The following USP50 variants were observed in gnomAD, a reference collection of about 807,000 sequenced individuals.
USP50 encodes the protein ubiquitin specific peptidase 50, also known as ubiquitin carboxyl-terminal hydrolase 50.
In USP50, 37 loss-of-function variants were observed where a neutral mutation model predicts 39.2. The observed-to-expected ratio is 0.94, with a 90% CI of 0.73 to 1.24. The LOEUF (loss-of-function observed/expected upper bound fraction) is 1.24. Ranked by LOEUF, USP50 falls within the 50% of genes most tolerant of loss-of-function variation. The pLI is 0.00. For synonymous variants in USP50, 139 were observed against 144.5 expected (o/e 0.96, Z 0.27); for missense variants, 374 against 398.2 (o/e 0.94, Z 0.52).
At chr15:50,546,204 T>C (rs145647606) in intron 1 of USP50, among the ~76,000 whole-genome samples, 151 of 152,302 alleles carry the variant, frequency 9.9e-4, no homozygotes, top group African/African-American at 3.4e-3. Flanking sequence ...AGTACAGTTA[T>C]GCCAGTTTGA....
intron 6 of USP50, among the ~76,000 whole-genome samples, chr15:50,525,693 A>G (rs2052890284): frequency 2.1e-5 from 2 of 94,008 alleles, no homozygotes; most frequent in Middle Eastern, 6.2e-3. Context: ...TTATATATGT[A>G]TATGTATATA....
At chr15:50,528,280 C>CTTT (rs5812519) in intron 6 of USP50, among the ~76,000 whole-genome samples, 40 of 146,744 alleles carry the variant, frequency 2.7e-4, no homozygotes, top group South Asian at 2.4e-3. Flanking sequence ...CACATAATTA[C>CTTT]TTTTTTTTTT....
intron 5 of USP50, chr15:50,531,965 C>G: frequency 2.8e-6 from 1 of 360,118 alleles, no homozygotes; most frequent in Non-Finnish European, 5.5e-6. Context: ...CCACTGCCCC[C>G]AAAACTGGAA....
chr15:50,508,734 A>G (rs1164277077), intron 6 of USP50: 1 of 152,188 alleles, frequency 6.6e-6, no homozygotes, highest in Non-Finnish European at 1.5e-5. Flanking sequence ...ACAGTGGTTC[A>G]TGCCTATAAT....
intron 5 of USP50, among the ~76,000 whole-genome samples, chr15:50,533,613 T>C (rs1323599752): frequency 6.6e-6 from 1 of 152,190 alleles, no homozygotes; most frequent in Non-Finnish European, 1.5e-5. Context: ...AATTCTGTAG[T>C]GTAAATTAAC....
downstream of USP50, among the ~76,000 whole-genome samples, chr15:50,496,547 C>G (rs2052418780): frequency 6.7e-6 from 1 of 149,982 alleles, no homozygotes; most frequent in African/African-American, 2.5e-5. Flanking sequence ...ATAATTAGGC[C>G]TATGTAGATT....
chr15:50,545,844 A>T (rs2053066948), intron 1 of USP50, among the ~76,000 whole-genome samples: 1 of 151,846 alleles, frequency 6.6e-6, no homozygotes. Context: ...GAATAATATC[A>T]TCTGCCTGAT....
chr15:50,545,640 A>C (rs2053065353), intron 1 of USP50, among the ~76,000 whole-genome samples: 1 of 149,146 alleles, frequency 6.7e-6, no homozygotes, highest in Non-Finnish European at 1.5e-5. Context: ...GAATATATAT[A>C]TCTTAAGAGC....
chr15:50,498,408 T>C (rs1433475185), downstream of USP50: 1 of 673,336 alleles, frequency 1.5e-6, no homozygotes, highest in Non-Finnish European at 2.3e-6. Flanking sequence ...TCCATATGCC[T>C]CAGTTTTCTT....
chr15:50,516,225 G>A (rs1234389799), intron 6 of USP50, among the ~76,000 whole-genome samples: 2 of 152,044 alleles, frequency 1.3e-5, no homozygotes, highest in Non-Finnish European at 2.9e-5. Context: ...AGAAACAAAG[G>A]CTCTACAAAA....
chr15:50,537,869 GGGGA>G (rs2052991864), intron 5 of USP50, among the ~76,000 whole-genome samples: 1 of 79,044 alleles, frequency 1.3e-5, no homozygotes, highest in East Asian at 5.1e-4. Context: ...AAAGAGGGGA[GGGGA>G]GGGAGGGGAG....
At chr15:50,544,003 A>G in intron 2 of USP50, 1 of 560,880 alleles carries the variant, frequency 1.8e-6, no homozygotes, top group African/African-American at 1.9e-5. Flanking sequence ...ACTTCACCCC[A>G]GCTTGGGTGA....
chr15:50,530,027 C>T, intron 5 of USP50, 98 bp from the exon 6 acceptor site: 3 of 1,521,198 alleles, frequency 2.0e-6, no homozygotes, highest in Non-Finnish European at 2.7e-6. Context: ...AATTTCTTGA[C>T]TGGGCACAGT....
intron 6 of USP50, among the ~76,000 whole-genome samples, chr15:50,521,020 C>A (rs1210948448): frequency 6.6e-6 from 1 of 152,024 alleles, no homozygotes; most frequent in Non-Finnish European, 1.5e-5. Context: ...GTGATGGAAA[C>A]CTTAAATACC....
Position 50,500,686 on chromosome 15 carries a change from T to C in USP50, c.*83A>G, listed in dbSNP as rs1466653128. On this transcript the variant is annotated 3_prime_UTR_variant, in exon 7 of 7. Coordinates refer to ENST00000532404, the MANE Select transcript of USP50 (RefSeq NM_203494.5). The stretch of plus-strand genomic sequence containing the variant: ...CTTTTGTATTGGTATGGAAAAGGGC[T>C]GGCAGCTATAGAACAGGAGATCCAT... 3.1e-5 allele frequency: 42 copies of C among 1,335,550 alleles called. No homozygotes were observed. Among genetic ancestry groups the C allele is most frequent in the Non-Finnish European group, 4.1e-5 (39 of 952,516 alleles). 82.7% of individuals were successfully genotyped at this position (1,335,550 alleles called of 1,614,324 possible).
intron 1 of USP50, among the ~76,000 whole-genome samples, chr15:50,495,484 GGA>G (rs752336766): frequency 0.16 from 18,990 of 115,424 alleles, 1,860 homozygotes; most frequent in Admixed American, 0.3. Context: ...AGTAGAGATT[GGA>G]GGGGGGGGTC....
intron 6 of USP50, chr15:50,508,500 GT>G (rs2052693902): frequency 1.3e-5 from 2 of 152,116 alleles, no homozygotes; most frequent in Non-Finnish European, 2.9e-5. Context: ...GACATTTGTA[GT>G]TTTAAATACT....
At chr15:50,536,159 A>G (rs2052978538) in intron 5 of USP50, among the ~76,000 whole-genome samples, 1 of 152,232 alleles carries the variant, frequency 6.6e-6, no homozygotes, top group African/African-American at 2.4e-5. Context: ...AATAACAGGT[A>G]TAGAGACAGG....
intron 3 of USP50, 126 bp downstream of exon 3, chr15:50,543,471 TG>T: frequency 1.2e-6 from 1 of 850,762 alleles, no homozygotes; most frequent in Non-Finnish European, 1.8e-6. Flanking sequence ...ATGTTCTCCA[TG>T]GGACACCTAG....
Sources: allele counts gnomAD v4.1 joint callset (sites outside exome capture counted in the v4.1 genomes callset), GRCh38; gene constraint gnomAD v4.1.1; transcripts MANE v1.5; gene names NCBI Gene and HGNC (gene_info 2026-07-23, HGNC 2026-07-21).